The following IARS2 variants were observed in gnomAD, a reference collection of about 807,000 sequenced individuals.
IARS2 encodes isoleucine--tRNA ligase, mitochondrial.
IARS2 carries 56 observed loss-of-function variants against 126.3 expected under a neutral mutation model. That is an observed-to-expected ratio of 0.44 (90% CI 0.36 to 0.55). The LOEUF is 0.55. IARS2 is among the 20% of genes least tolerant of loss of function. The pLI is 0.00. For missense variants in IARS2, 1,127 were observed against 1,245.9 expected, an observed-to-expected ratio of 0.90 and a Z score of 1.44; for synonymous variants, 407 against 441.1, an observed-to-expected ratio of 0.92 and a Z score of 0.97.
At chr1:220,096,759 T>C (rs1331610416) in intron 2 of IARS2, among the ~76,000 whole-genome samples, 2 of 152,094 alleles carry the variant, frequency 1.3e-5, no homozygotes, top group Non-Finnish European at 1.5e-5. Flanking sequence ...ATAGTGCTAT[T>C]AAAGAGACCA....
chr1:220,096,557 C>T (rs1656447285), intron 2 of IARS2, among the ~76,000 whole-genome samples: 1 of 152,072 alleles, frequency 6.6e-6, no homozygotes, highest in Admixed American at 6.5e-5. Flanking sequence ...AGTGCTTGGC[C>T]CACAGATATC....
chr1:220,134,057 A>G (rs1471718231), intron 14 of IARS2, among the ~76,000 whole-genome samples: 1 of 152,070 alleles, frequency 6.6e-6, no homozygotes, highest in Admixed American at 6.5e-5. Context: ...ATTGCTTGAC[A>G]TTCATGCAGT....
intron 2 of IARS2, among the ~76,000 whole-genome samples, chr1:220,100,082 G>A (rs1380231893): frequency 2.0e-5 from 3 of 152,012 alleles, no homozygotes; most frequent in Admixed American, 2.0e-4. Flanking sequence ...TTTTTAAAAG[G>A]CTCTGCTGCC....
chr1:220,097,456 C>T (rs1488106215), intron 2 of IARS2, among the ~76,000 whole-genome samples: 4 of 151,370 alleles, frequency 2.6e-5, no homozygotes, highest in Admixed American at 1.3e-4. Context: ...CTCCGCTTCC[C>T]GGGTTCAAGC....
chr1:220,103,887 CTTATT>C (rs1656629877), intron 8 of IARS2, among the ~76,000 whole-genome samples: 1 of 152,130 alleles, frequency 6.6e-6, no homozygotes, highest in Non-Finnish European at 1.5e-5. Flanking sequence ...AATGCATATA[CTTATT>C]TTTCGATACA....
chr1:220,130,094 A>T (rs1359980739), intron 14 of IARS2, among the ~76,000 whole-genome samples: 1 of 152,110 alleles, frequency 6.6e-6, no homozygotes, highest in African/African-American at 2.4e-5. Context: ...TTTGATTTGC[A>T]CTTCCCTGAT....
chr1:220,134,073 T>C (rs1558129726), intron 14 of IARS2, among the ~76,000 whole-genome samples: 2 of 152,182 alleles, frequency 1.3e-5, no homozygotes, highest in African/African-American at 4.8e-5. Flanking sequence ...GCAGTACAGG[T>C]TTATTTTGTA....
intron 12 of IARS2, among the ~76,000 whole-genome samples, chr1:220,117,361 T>TTA (rs1484486943): frequency 4.6e-5 from 7 of 151,320 alleles, no homozygotes; most frequent in African/African-American, 7.3e-5. Context: ...CCGGCTAATT[T>TTA]TATATATATA....
At chr1:220,139,180 AGCACTATT>A in intron 18 of IARS2, 41 bp downstream of exon 18, 2 of 1,558,844 alleles carry the variant, frequency 1.3e-6, no homozygotes, top group Non-Finnish European at 1.8e-6. Flanking sequence ...TAGAAATATC[AGCACTATT>A]GTAGGTTAAA....
At chr1:220,114,013 G>T (rs970288375) in intron 11 of IARS2, among the ~76,000 whole-genome samples, 2 of 152,092 alleles carry the variant, frequency 1.3e-5, no homozygotes, top group Admixed American at 1.3e-4. Flanking sequence ...TTGATCTAGG[G>T]TTGGTGTAAA....
intron 12 of IARS2, chr1:220,118,340 T>C: frequency 3.7e-6 from 1 of 271,984 alleles, no homozygotes; most frequent in Non-Finnish European, 7.4e-6. Context: ...ATTCATGTTC[T>C]AAATAAGTTT....
At chr1:220,138,420 G>A (rs1183923242) in intron 17 of IARS2, among the ~76,000 whole-genome samples, 1 of 152,096 alleles carries the variant, frequency 6.6e-6, no homozygotes, top group African/African-American at 2.4e-5. Context: ...GCAGTGAGCC[G>A]AGATCGCGCC....
At chr1:220,098,444 G>A (rs1656498641) in intron 2 of IARS2, among the ~76,000 whole-genome samples, 1 of 151,840 alleles carries the variant, frequency 6.6e-6, no homozygotes, top group African/African-American at 2.4e-5. Flanking sequence ...CTCTAAAATG[G>A]TACCACCCCC....
chr1:220,110,632 G>A (rs568311155), intron 10 of IARS2, among the ~76,000 whole-genome samples, 154 bp from the exon 11 acceptor site: 1 of 152,292 alleles, frequency 6.6e-6, no homozygotes, highest in East Asian at 1.9e-4. Flanking sequence ...GCAAAGTGCT[G>A]GGATTACAGG....
At chr1:220,099,835 C>T (rs549517712) in intron 2 of IARS2, among the ~76,000 whole-genome samples, 2 of 152,098 alleles carry the variant, frequency 1.3e-5, no homozygotes, top group African/African-American at 2.4e-5. Context: ...GATCACAAGG[C>T]TCCTTCCTGT....
chr1:220,126,372 C>G (rs887322182), intron 13 of IARS2, among the ~76,000 whole-genome samples: 5 of 152,134 alleles, frequency 3.3e-5, no homozygotes, highest in African/African-American at 2.4e-5. Flanking sequence ...TTGATGTTGA[C>G]TGATTTGGTT....
rs1303835121 is a variant in IARS2 at position 220,142,985 on chromosome 1, T to G, written c.2602T>G (p.Ser868Ala). ...CCGTACTGGGTGGATTAGTACTAGT[T>G]CTATCTGGAAAAAGCCCGGGTTGGA... is the stretch of plus-strand genomic sequence containing the variant. ...VFRTGWISTS[S>A]IWKKPGLEEA... is the part of the protein sequence containing the mutation. The change falls in exon 21 of 23, where the codon TCT (serine) becomes GCT (alanine). Residue 868 changes from serine to alanine, a missense_variant. Coordinates refer to ENST00000366922, the MANE Select transcript of IARS2 (RefSeq NM_018060.4). 6.2e-7 allele frequency: 1 copy of G among 1,614,166 alleles called. No individual in the cohort carries two copies. Among genetic ancestry groups the G allele is most frequent in the Admixed American group, 1.7e-5 (1 of 60,032 alleles).
At chr1:220,098,182 C>T (rs763916804) in intron 2 of IARS2, among the ~76,000 whole-genome samples, 2 of 152,200 alleles carry the variant, frequency 1.3e-5, no homozygotes, top group East Asian at 1.9e-4. Flanking sequence ...CCACTGCACC[C>T]GGCCAAAACA....
At chr1:220,125,828 C>T (rs1431004383) in intron 13 of IARS2, among the ~76,000 whole-genome samples, 3 of 151,844 alleles carry the variant, frequency 2.0e-5, no homozygotes, top group Non-Finnish European at 2.9e-5. Context: ...ATTATTAGGT[C>T]GGGCGCAGTG....
Sources: allele counts gnomAD v4.1 joint callset (sites outside exome capture counted in the v4.1 genomes callset), GRCh38; gene constraint gnomAD v4.1.1; transcripts MANE v1.5; gene names NCBI Gene and HGNC (gene_info 2026-07-23, HGNC 2026-07-21).